PFKFB3: variants seen among roughly 807,000 people sequenced by gnomAD.
PFKFB3 encodes 6-phosphofructo-2-kinase/fructose-2,6-biphosphatase 3.
Under a neutral mutation model 68.0 loss-of-function variants are expected in PFKFB3, and 33 were observed. The observed-to-expected ratio is 0.49, with a 90% CI of 0.37 to 0.65. The LOEUF is 0.65. Ranked by LOEUF, PFKFB3 falls within the 30% of genes least tolerant of loss-of-function variation. The probability of loss-of-function intolerance (pLI) is 0.00; values close to 1 mark genes in which losing one functional copy is unlikely to be tolerated. For synonymous variants in PFKFB3, 315 were observed against 288.2 expected, an observed-to-expected ratio of 1.09 and a Z score of -0.94; for missense variants, 586 against 712.2, an observed-to-expected ratio of 0.82 and a Z score of 2.02.
At chr10:6,219,795 A>ATTTTT in intron 7 of PFKFB3, 102 bp downstream of exon 7, 3 of 1,218,440 alleles carry the variant, frequency 2.5e-6, no homozygotes, top group Non-Finnish European at 2.3e-6. Context: ...CTTTAAAAAA[A>ATTTTT]TTTTTTTAAG....
intron 1 of PFKFB3, among the ~76,000 whole-genome samples, chr10:6,195,346 G>A (rs934875875): frequency 3.5e-4 from 54 of 152,126 alleles, no homozygotes; most frequent in African/African-American, 1.2e-3. Context: ...CCTCACAGAC[G>A]TCTAGAGTTT....
Position 6,215,999 on chromosome 10 carries a change from C to T in PFKFB3, c.300-126C>T. ...GCCTGAGGGGTGCTGGCCAGCCTGC[C>T]CAGCGCTAAGCAGTGTAGAATGGAA... On this transcript the variant is annotated intron_variant, in intron 3 of 14. Transcript: ENST00000379775. The surrounding 1 kb of genome is among the most constrained non-coding windows in gnomAD (Gnocchi z 4.3). 4 of 926,598 alleles carry T rather than the reference C, an allele frequency of 4.3e-6. No individual in the cohort carries two copies. The Admixed American group carries it at 5.3e-5, about 12-fold the overall frequency. 57.4% of individuals were successfully genotyped at this position (926,598 alleles called of 1,614,324 possible).
At chr10:6,323,595 A>T in the PFKFB3 span, among the ~76,000 whole-genome samples, 2 of 152,170 alleles carry the variant, frequency 1.3e-5, no homozygotes, top group Non-Finnish European at 2.9e-5. Context: ...GAGGAAAAAA[A>T]TTTTCACATA....
At chr10:6,303,267 C>T in the PFKFB3 span, among the ~76,000 whole-genome samples, 2 of 151,784 alleles carry the variant, frequency 1.3e-5, no homozygotes, top group African/African-American at 2.4e-5. Flanking sequence ...AATGCAAGAA[C>T]AAACAAGAAA....
chr10:6,324,346 TAGTG>T, the PFKFB3 span, among the ~76,000 whole-genome samples: 1 of 152,308 alleles, frequency 6.6e-6, no homozygotes, highest in African/African-American at 2.4e-5. Context: ...TGAAATTCTG[TAGTG>T]GGTATAGACT....
rs531290942 is a variant in PFKFB3 at position 6,215,413 on chromosome 10, G to A, written c.299+96G>A. The A allele has an allele frequency of 1.2e-4, 105 of 879,528 alleles. No individual in the cohort carries two copies. In the African/African-American group the frequency reaches 1.3e-3, roughly 11 times the overall value. The allele number at this position is 879,528 out of a possible 1,614,324, so 54.5% of individuals were successfully genotyped here. On this transcript the variant is annotated intron_variant, in intron 3 of 14. Coordinates refer to ENST00000379775, the MANE Select transcript of PFKFB3 (RefSeq NM_004566.4). This position sits in a 1 kb window ranked among gnomAD's most constrained non-coding sequence, Gnocchi z 4.3. ...GCAGGAGTAAGGCTGGGCCGCGGGC[G>A]TAGGGCTGGGCTGTGGGAATAAGGC...
the PFKFB3 span, among the ~76,000 whole-genome samples, chr10:6,283,320 G>A: frequency 6.6e-6 from 1 of 152,296 alleles, no homozygotes; most frequent in African/African-American, 2.4e-5. Context: ...TGGGAGGTGT[G>A]CGTATGGGGG....
the PFKFB3 span, among the ~76,000 whole-genome samples, chr10:6,276,917 A>C: frequency 6.6e-6 from 1 of 151,362 alleles, no homozygotes; most frequent in African/African-American, 2.4e-5. Flanking sequence ...CCATCACCCA[A>C]ATCAAGATAT....
At chr10:6,155,364 G>A (rs184465171) in intron 1 of PFKFB3, among the ~76,000 whole-genome samples, 1,819 of 151,576 alleles carry the variant, frequency 0.012, 39 homozygotes, top group African/African-American at 0.042. Flanking sequence ...CACCACGCCC[G>A]GCTAATTTTT....
chr10:6,224,014 G>A lies in PFKFB3; in HGVS notation c.1270G>A (p.Ala424Thr), dbSNP rs769508911. 5.0e-6 allele frequency: 8 copies of A among 1,614,178 alleles called. No homozygotes were observed. Among genetic ancestry groups the A allele is most frequent in the East Asian group, 2.2e-5 (1 of 44,886 alleles). ...LHTVLKLTPV[A>T]YGCRVESIYL... Reference sequence around the variant, plus strand: ...CACCGTCCTGAAACTGACGCCTGTCGCTTATGGTGAGTAGCAACCCCTGCC... The same window carrying A: ...CACCGTCCTGAAACTGACGCCTGTCACTTATGGTGAGTAGCAACCCCTGCC... Residue 424 changes from alanine to threonine, a missense_variant, in exon 12 of 15, where the codon GCT becomes ACT. Physicochemically the swap from Ala to Thr is moderately conservative, Grantham distance 58. Coordinates refer to ENST00000379775, the MANE Select transcript of PFKFB3 (RefSeq NM_004566.4).
the PFKFB3 span, among the ~76,000 whole-genome samples, chr10:6,296,252 A>G: frequency 6.6e-6 from 1 of 150,664 alleles, no homozygotes; most frequent in Non-Finnish European, 1.5e-5. Flanking sequence ...GTAAGTTTGT[A>G]GACTGAGATG....
chr10:6,203,396 G>A, intron 1 of PFKFB3, 60 bp downstream of exon 1: 2 of 1,397,154 alleles, frequency 1.4e-6, no homozygotes, highest in Non-Finnish European at 2.0e-6. Context: ...GGGCCATTGT[G>A]TGGGGCGGCT....
chr10:6,187,204 A>AAAAAAAAAG (rs1452180616), intron 1 of PFKFB3, among the ~76,000 whole-genome samples: 1 of 151,522 alleles, frequency 6.6e-6, no homozygotes, highest in African/African-American at 2.4e-5. Flanking sequence ...CTACTAAAAA[A>AAAAAAAAAG]AAAAAAATTA....
intron 11 of PFKFB3, 127 bp downstream of exon 11, chr10:6,223,111 G>A: frequency 1.1e-6 from 1 of 950,294 alleles, no homozygotes. Context: ...TTAGGAGAAG[G>A]GCACAGGTGT....
chr10:6,229,361 C>T lies in PFKFB3; in HGVS notation c.1515+2996C>T, dbSNP rs868679420. On this transcript the variant is annotated intron_variant, in intron 14 of 14. Transcript: ENST00000379775. The surrounding 1 kb of genome is among the most constrained non-coding windows in gnomAD (Gnocchi z 4.3). ...GCTTCCAGCAGGTGAGCCGCAGAGC[C>T]GGGGCCTGAAAGGCCCCTTGCTTCA... is the stretch of plus-strand genomic sequence containing the variant. 1.3e-4 allele frequency among the ~76,000 whole-genome samples: 20 copies of T among 152,310 alleles called. No individual in the cohort carries two copies. Among genetic ancestry groups the T allele is most frequent in the Middle Eastern group, 3.4e-3 (1 of 294 alleles).
Position 6,215,067 on chromosome 10 carries a change from G to A in PFKFB3, c.203-154G>A, listed in dbSNP as rs112875242. Among the ~76,000 whole-genome samples, 2 of 152,186 alleles carry A rather than the reference G, an allele frequency of 1.3e-5. No homozygotes were observed. The highest frequency in any genetic ancestry group is 6.5e-5 in the Admixed American group (1 of 15,276). On this transcript the variant is annotated intron_variant, in intron 2 of 14. Coordinates refer to ENST00000379775, the MANE Select transcript of PFKFB3 (RefSeq NM_004566.4). The surrounding 1 kb of genome is among the most constrained non-coding windows in gnomAD (Gnocchi z 4.3). ...GCTGTCCTCAGGAGTTGAGGGTAGC[G>A]TAGGACTGGGCGCCGGCATTGCTTC...
intron 14 of PFKFB3, among the ~76,000 whole-genome samples, chr10:6,251,206 A>G (rs1437567339): frequency 6.6e-6 from 1 of 152,222 alleles, no homozygotes; most frequent in Admixed American, 6.5e-5. Context: ...GTGGAAAGAG[A>G]GTACCAGACT....
At chr10:6,258,703 G>A, downstream of PFKFB3, among the ~76,000 whole-genome samples, 1 of 152,224 alleles carries the variant, frequency 6.6e-6, no homozygotes, top group Non-Finnish European at 1.5e-5. Flanking sequence ...TCTGCTCCCT[G>A]TAGGGGATTG....
At position 6,220,739 on chromosome 10, in the gene PFKFB3, C is replaced by T. The variant is rs2230271; in HGVS notation, c.705C>T (p.Ile235=). The stretch of plus-strand genomic sequence containing the variant: ...TGCAGGACCACATCCAGAGCCGCAT[C>T]GTGTACTACCTGATGAACATCCACG... ...NRVQDHIQSR[I]VYYLMNIHVQ... is the part of the protein sequence containing the mutation. The change falls in exon 8 of 15, where the codon ATC becomes ATT. Residue 235 remains isoleucine, a synonymous_variant. Coordinates refer to ENST00000379775, the MANE Select transcript of PFKFB3 (RefSeq NM_004566.4). This position sits in a 1 kb window ranked among gnomAD's most constrained non-coding sequence, Gnocchi z 4.1. The T allele has an allele frequency of 0.022, 35,666 of 1,614,082 alleles. 1,017 individuals carry two copies. Among genetic ancestry groups the T allele is most frequent in the South Asian group, 0.11 (10,319 of 91,074 alleles).
Sources: gnomAD v4.1 joint callset for allele counts (sites outside exome capture counted in the v4.1 genomes callset) on GRCh38, gnomAD v4.1.1 for gene constraint, Gnocchi (gnomAD v3.1) non-coding constraint, MANE v1.5 for transcripts, NCBI Gene and HGNC (gene_info 2026-07-23, HGNC 2026-07-21) for gene names.